The following PAPSS1 variants were observed in gnomAD, a reference collection of about 807,000 sequenced individuals.
PAPSS1 encodes the protein bifunctional 3'-phosphoadenosine 5'-phosphosulfate synthase 1.
In PAPSS1, 50 loss-of-function variants were observed where a neutral mutation model predicts 72.0. That is an observed-to-expected ratio of 0.69 (90% CI 0.55 to 0.88). The LOEUF (loss-of-function observed/expected upper bound fraction) is 0.88, where lower values mean the gene tolerates loss of function less well. Ranked by LOEUF, PAPSS1 falls within the 40% of genes least tolerant of loss-of-function variation. The probability of loss-of-function intolerance (pLI) is 0.00; values close to 1 mark genes in which losing one functional copy is unlikely to be tolerated. For missense variants in PAPSS1, 657 were observed against 782.2 expected, an observed-to-expected ratio of 0.84 and a Z score of 1.91; for synonymous variants, 261 against 263.6, an observed-to-expected ratio of 0.99 and a Z score of 0.09.
intron 10 of PAPSS1, among the ~76,000 whole-genome samples, chr4:107,635,105 G>C (rs1239939106): frequency 6.6e-6 from 1 of 151,904 alleles, no homozygotes; most frequent in African/African-American, 2.4e-5. Context: ...GCCTATTCTA[G>C]ACATATTTTT....
chr4:107,640,333 A>C (rs954536460), intron 10 of PAPSS1, among the ~76,000 whole-genome samples: 1 of 152,220 alleles, frequency 6.6e-6, no homozygotes, highest in African/African-American at 2.4e-5. Context: ...ATAGACTATA[A>C]AATCAGGAAC....
chr4:107,670,958 G>A (rs532355617), intron 5 of PAPSS1, among the ~76,000 whole-genome samples: 2 of 152,306 alleles, frequency 1.3e-5, no homozygotes, highest in South Asian at 4.1e-4. Context: ...AATATTATAG[G>A]ACAGACTAAA....
chr4:107,653,698 C>A, intron 8 of PAPSS1, 72 bp from the exon 9 acceptor site: 1 of 1,293,332 alleles, frequency 7.7e-7, no homozygotes, highest in South Asian at 1.4e-5. Context: ...CTCATATAAG[C>A]TAAATACAGT....
At chr4:107,691,531 C>G (rs1273677915) in intron 3 of PAPSS1, among the ~76,000 whole-genome samples, 2 of 152,128 alleles carry the variant, frequency 1.3e-5, no homozygotes, top group African/African-American at 4.8e-5. Flanking sequence ...AAACACTAAT[C>G]ATATAATATG....
At chr4:107,714,928 TG>T (rs1235638382) in intron 1 of PAPSS1, among the ~76,000 whole-genome samples, 49 of 152,226 alleles carry the variant, frequency 3.2e-4, no homozygotes, top group Admixed American at 2.9e-3. Context: ...GGTGCAAAAC[TG>T]CCCAAAACTA....
intron 5 of PAPSS1, among the ~76,000 whole-genome samples, chr4:107,676,500 G>A (rs573086564): frequency 1.3e-5 from 2 of 152,238 alleles, no homozygotes; most frequent in African/African-American, 2.4e-5. Context: ...CCTCTTCAAG[G>A]AGAACTATAA....
At position 107,720,232 on chromosome 4, in the gene PAPSS1, G is replaced by A. The variant is rs1364714656; in HGVS notation, c.-53C>T. Reference sequence around the variant, plus strand: ...GTTCTCTGCGCCGGGAGGGTAGCAAGAGGAGGGCAGGCCAGCGAGCGGGGC... The same window carrying A: ...GTTCTCTGCGCCGGGAGGGTAGCAAAAGGAGGGCAGGCCAGCGAGCGGGGC... On this transcript the variant is annotated 5_prime_UTR_variant, in exon 1 of 12. Coordinates refer to ENST00000265174, the MANE Select transcript of PAPSS1 (RefSeq NM_005443.5). The A allele has an allele frequency of 3.9e-6, 6 of 1,557,688 alleles. No homozygotes were observed. The highest frequency in any genetic ancestry group is 1.4e-5 in the African/African-American group (1 of 71,886).
intron 2 of PAPSS1, among the ~76,000 whole-genome samples, chr4:107,695,472 CA>C (rs924488344): frequency 1.3e-5 from 2 of 152,066 alleles, no homozygotes; most frequent in African/African-American, 4.8e-5. Flanking sequence ...TCTATTTGAA[CA>C]CCCTTTATTT....
chr4:107,713,694 G>A (rs938877256), intron 1 of PAPSS1, among the ~76,000 whole-genome samples: 3 of 151,370 alleles, frequency 2.0e-5, no homozygotes, highest in South Asian at 4.2e-4. Flanking sequence ...TGAGGTGGAG[G>A]TTGCCGTGAG....
intron 9 of PAPSS1, among the ~76,000 whole-genome samples, chr4:107,652,259 A>T (rs184480250): frequency 9.8e-5 from 15 of 152,362 alleles, no homozygotes; most frequent in African/African-American, 3.6e-4. Flanking sequence ...GGAATTAATT[A>T]GGAGCACAAC....
At chr4:107,639,331 T>C (rs1235554987) in intron 10 of PAPSS1, among the ~76,000 whole-genome samples, 4 of 152,134 alleles carry the variant, frequency 2.6e-5, no homozygotes, top group African/African-American at 7.2e-5. Context: ...ATCAACACAC[T>C]CTAAATACAT....
At chr4:107,710,952 T>C (rs1191645730) in intron 1 of PAPSS1, among the ~76,000 whole-genome samples, 3 of 152,250 alleles carry the variant, frequency 2.0e-5, no homozygotes, top group Non-Finnish European at 4.4e-5. Flanking sequence ...AGTGGAGTTA[T>C]ATACCTGCGC....
chr4:107,655,978 G>A (rs1726995768), intron 7 of PAPSS1, among the ~76,000 whole-genome samples: 1 of 152,096 alleles, frequency 6.6e-6, no homozygotes, highest in Admixed American at 6.5e-5. Context: ...AAAAAACTTG[G>A]TAGCAATTAT....
chr4:107,711,062 AC>A (rs1288184083), intron 1 of PAPSS1, among the ~76,000 whole-genome samples: 2 of 152,222 alleles, frequency 1.3e-5, no homozygotes, highest in African/African-American at 4.8e-5. Flanking sequence ...CATATTTTCC[AC>A]AATGCCCAAC....
At chr4:107,646,745 G>A (rs950089122) in intron 9 of PAPSS1, among the ~76,000 whole-genome samples, 2 of 152,100 alleles carry the variant, frequency 1.3e-5, no homozygotes, top group Non-Finnish European at 2.9e-5. Flanking sequence ...ACTGAGCAGA[G>A]CCCTAGGTAC....
intron 11 of PAPSS1, among the ~76,000 whole-genome samples, chr4:107,616,373 A>G (rs1362202289): frequency 6.6e-6 from 1 of 152,200 alleles, no homozygotes; most frequent in Non-Finnish European, 1.5e-5. Flanking sequence ...TTCTGGCCTC[A>G]TAACAATTAT....
At chr4:107,684,258 G>C (rs1393217483) in intron 4 of PAPSS1, among the ~76,000 whole-genome samples, 1 of 152,004 alleles carries the variant, frequency 6.6e-6, no homozygotes, top group Non-Finnish European at 1.5e-5. Context: ...AGGGGCCTGG[G>C]GAGTCATGCC....
chr4:107,701,348 T>A, intron 1 of PAPSS1, 63 bp from the exon 2 acceptor site: 1 of 1,010,612 alleles, frequency 9.9e-7, no homozygotes, highest in Non-Finnish European at 1.5e-6. Flanking sequence ...AAACACATAT[T>A]CCTTGCAAAC....
chr4:107,688,733 G>A (rs967029413), intron 3 of PAPSS1, among the ~76,000 whole-genome samples: 4 of 152,122 alleles, frequency 2.6e-5, no homozygotes, highest in Non-Finnish European at 1.5e-5. Context: ...TGCCTTCACA[G>A]TATAAACTAC....
Sources: gnomAD v4.1 joint callset for allele counts (sites outside exome capture counted in the v4.1 genomes callset) on GRCh38, gnomAD v4.1.1 for gene constraint, MANE v1.5 for transcripts, NCBI Gene and HGNC (gene_info 2026-07-23, HGNC 2026-07-21) for gene names.